Variants in KIAA1755 observed in about 807,000 individuals in gnomAD.
The protein encoded by KIAA1755 is uncharacterized protein KIAA1755.
In KIAA1755, 68 loss-of-function variants were observed where a neutral mutation model predicts 91.7. The observed-to-expected ratio is 0.74, with a 90% CI of 0.61 to 0.91. The LOEUF is 0.91. Ranked by LOEUF, KIAA1755 falls within the 40% of genes least tolerant of loss-of-function variation. The pLI is 0.00. For synonymous variants in KIAA1755, 610 were observed against 604.6 expected, an observed-to-expected ratio of 1.01 and a Z score of -0.13; for missense variants, 1,535 against 1,494.4, an observed-to-expected ratio of 1.03 and a Z score of -0.45.
intron 4 of KIAA1755, among the ~76,000 whole-genome samples, chr20:38,232,631 A>G (rs1054408168): frequency 6.8e-6 from 1 of 147,554 alleles, no homozygotes; most frequent in East Asian, 2.0e-4. Context: ...CTGTCTCAGA[A>G]AAAAAAAAAA....
chr20:38,214,887 C>G (rs1175054441), intron 13 of KIAA1755, among the ~76,000 whole-genome samples: 1 of 152,246 alleles, frequency 6.6e-6, no homozygotes, highest in Non-Finnish European at 1.5e-5. Context: ...ATTGGAGAAC[C>G]ATTTTCTCCG....
At chr20:38,248,711 ATTT>A (rs869304609) in intron 1 of KIAA1755, among the ~76,000 whole-genome samples, 58 of 116,230 alleles carry the variant, frequency 5.0e-4, no homozygotes, top group African/African-American at 1.7e-3. Flanking sequence ...TATTATTATT[ATTT>A]TTGAGACAGA....
At chr20:38,231,071 TG>T in intron 5 of KIAA1755, 130 bp downstream of exon 5, 1 of 1,006,208 alleles carries the variant, frequency 9.9e-7, no homozygotes, top group Admixed American at 3.0e-5. Flanking sequence ...GGCATCTGTC[TG>T]GGGACTGGCT....
At chr20:38,245,852 C>A in intron 2 of KIAA1755, 77 bp downstream of exon 2, 1 of 1,411,320 alleles carries the variant, frequency 7.1e-7, no homozygotes, top group Non-Finnish European at 9.9e-7. Context: ...GCCAGCCCAC[C>A]TCCTTCTCTG....
intron 10 of KIAA1755, among the ~76,000 whole-genome samples, chr20:38,221,016 AATGGAAGAGAGAAG>A (rs1412229290): frequency 6.6e-6 from 1 of 152,230 alleles, no homozygotes; most frequent in Admixed American, 6.5e-5. Flanking sequence ...TCAGAGGGAA[AATGGAAGAGAGAAG>A]ATGGAAGAAA....
intron 13 of KIAA1755, 46 bp downstream of exon 13, chr20:38,217,207 G>A: frequency 6.7e-7 from 1 of 1,500,312 alleles, no homozygotes; most frequent in Non-Finnish European, 9.0e-7. Flanking sequence ...CATAGCCCCA[G>A]CCAGGGGATC....
In KIAA1755 at chr20:38,240,617, G is replaced by C. The variant is rs144867582; in HGVS notation, c.1514C>G (p.Ser505Cys). The change falls in exon 3 of 14, where the codon TCT (serine) becomes TGT (cysteine). Residue 505 changes from serine (S) to cysteine (C), a missense_variant. By Grantham distance (112) the Ser-to-Cys change is moderately radical (BLOSUM62 -1). Transcript: ENST00000279024. The part of the protein sequence containing the change: ...GPWKVLCSLY[S>C]PKPNRAKSLG... ...AGATTTGGCTCGGTTGGGTTTAGGAGAGTAGAGGGAACACAGGACTTTCCA... is the reference window on the plus strand; with the variant it reads ...AGATTTGGCTCGGTTGGGTTTAGGACAGTAGAGGGAACACAGGACTTTCCA... The C allele has an allele frequency of 2.0e-6, 3 of 1,508,748 alleles. No individual in the cohort carries two copies. Among genetic ancestry groups the C allele is most frequent in the African/African-American group, 2.8e-5 (2 of 71,570 alleles). The allele number at this position is 1,508,748 out of a possible 1,614,324, so 93.5% of individuals were successfully genotyped here. A position where few individuals can be genotyped will look rare whatever the true frequency, so the allele number is the denominator to read the frequency against.
At position 38,260,563 on chromosome 20, in the gene KIAA1755, G is replaced by A. The variant is rs558344658; in HGVS notation, c.-63C>T. 2.2e-5 allele frequency: 32 copies of A among 1,480,046 alleles called. No individual in the cohort carries two copies. The African/African-American group carries it at 3.6e-4, about 17-fold the overall frequency. 91.7% of individuals were successfully genotyped at this position (1,480,046 alleles called of 1,614,324 possible). A position where few individuals can be genotyped will look rare whatever the true frequency, so the allele number is the denominator to read the frequency against. On this transcript the variant is annotated 5_prime_UTR_variant, in exon 1 of 14. Transcript: ENST00000279024. ...TCCTGGGCGCGGGGTCTGTGGGTCCGCGGGTCCGTCTGTCTGGGGCAGCCC... is the reference window on the plus strand; with the variant it reads ...TCCTGGGCGCGGGGTCTGTGGGTCCACGGGTCCGTCTGTCTGGGGCAGCCC...
In KIAA1755 at chr20:38,213,637, T is replaced by C. The variant is rs142953110; in HGVS notation, c.3008A>G (p.Gln1003Arg). The C allele has an allele frequency of 1.2e-4, 193 of 1,610,856 alleles. No homozygotes were observed. The highest frequency in any genetic ancestry group is 1.5e-4 in the Non-Finnish European group (181 of 1,178,540). Reference sequence around the variant, plus strand: ...AGCAGGGAACTCAGATGCCAGTCGCTGCAGGTAGCGGTGGAGGCGGCGCTG... The same window carrying C: ...AGCAGGGAACTCAGATGCCAGTCGCCGCAGGTAGCGGTGGAGGCGGCGCTG... ...GDQRRLHRYL[Q>R]RLASEFPAEK... is the part of the protein sequence containing the mutation. The change falls in exon 14 of 14, where the codon CAG becomes CGG. Residue 1003 changes from glutamine (Q) to arginine (R), a missense_variant. By Grantham distance (43) the Gln-to-Arg change is conservative. Transcript: ENST00000279024.
intron 4 of KIAA1755, among the ~76,000 whole-genome samples, 164 bp downstream of exon 4, chr20:38,239,364 C>T (rs2076012535): frequency 6.6e-6 from 1 of 152,210 alleles, no homozygotes; most frequent in African/African-American, 2.4e-5. Flanking sequence ...TCATCTATTC[C>T]AATTCTCCCA....
Position 38,220,930 on chromosome 20 carries a change from T to C in KIAA1755, c.2418-1162A>G, listed in dbSNP as rs113092726. Among the ~76,000 whole-genome samples, 967 of 152,200 alleles carry C rather than the reference T, an allele frequency of 6.4e-3. 15 individuals are homozygous for C. Among genetic ancestry groups the C allele is most frequent in the African/African-American group, 0.022 (922 of 41,518 alleles). ...AAGCCACAAGTCACTAAGGAAGAAG[T>C]GTGGATGGGATTTCAGGCATGGTGA... On this transcript the variant is annotated intron_variant, in intron 10 of 13. Coordinates refer to ENST00000279024, the MANE Select transcript of KIAA1755 (RefSeq NM_001029864.2).
chr20:38,214,258 C>T (rs954826885), intron 13 of KIAA1755, among the ~76,000 whole-genome samples: 2 of 152,184 alleles, frequency 1.3e-5, no homozygotes, highest in Non-Finnish European at 2.9e-5. Flanking sequence ...GCCCATCAGA[C>T]ACCTTCTAAT....
chr20:38,254,586 G>A (rs187250267), intron 1 of KIAA1755, among the ~76,000 whole-genome samples: 194 of 152,190 alleles, frequency 1.3e-3, no homozygotes, highest in African/African-American at 4.3e-3. Flanking sequence ...CCAGAAGTTC[G>A]AGACTAGCCT....
chr20:38,258,829 T>A, intron 1 of KIAA1755, among the ~76,000 whole-genome samples: 1 of 152,218 alleles, frequency 6.6e-6, no homozygotes, highest in East Asian at 1.9e-4. Context: ...ATCTGCACAT[T>A]GTTCCCAATC....
At chr20:38,222,938 C>G in intron 9 of KIAA1755, 1 of 365,894 alleles carries the variant, frequency 2.7e-6, no homozygotes, top group Non-Finnish European at 5.2e-6. Flanking sequence ...TTAAAACTCT[C>G]CAGTGGCTTT....
chr20:38,217,447 A>C lies in KIAA1755; in HGVS notation c.2707T>G (p.Ser903Ala). Reference protein sequence around the residue: ...AAQYRRGLELSKQAAQLGATA... With the variant: ...AAQYRRGLELAKQAAQLGATA... ...GCTCCCAGCTGAGCGGCCTGCTTGGACAGCTCCAGGCCTCGGCGGTACTGG... is the reference window on the plus strand; with the variant it reads ...GCTCCCAGCTGAGCGGCCTGCTTGGCCAGCTCCAGGCCTCGGCGGTACTGG... The change falls in exon 13 of 14, where the codon TCC becomes GCC. Residue 903 changes from serine (S) to alanine (A), a missense_variant. Ser to Ala is a moderately conservative substitution (Grantham distance 99, BLOSUM62 1). Transcript: ENST00000279024. 6.2e-7 allele frequency: 1 copy of C among 1,611,558 alleles called. No homozygotes were observed. The highest frequency in any genetic ancestry group is 1.3e-5 in the African/African-American group (1 of 74,942).
intron 4 of KIAA1755, among the ~76,000 whole-genome samples, chr20:38,232,365 G>A (rs1047641987): frequency 6.6e-6 from 1 of 152,092 alleles, no homozygotes; most frequent in African/African-American, 2.4e-5. Context: ...GGTGGCTCAC[G>A]CCTGTAATCC....
chr20:38,218,277 G>T lies in KIAA1755; in HGVS notation c.2646C>A (p.His882Gln). ...GGAGGAAGAAGTTCTCAAATTCTGC[G>T]TGGGCTTTCTCCACTGTCTCCAAAC... ...DGSLETVEKAHAEFENFFLQA... is the reference protein window; with the variant it reads ...DGSLETVEKAQAEFENFFLQA... Residue 882 changes from histidine to glutamine, a missense_variant, in exon 12 of 14, where the codon CAC becomes CAA. By Grantham distance (24) the His-to-Gln change is conservative. Coordinates refer to ENST00000279024, the MANE Select transcript of KIAA1755 (RefSeq NM_001029864.2). The T allele has an allele frequency of 6.2e-7, 1 of 1,614,218 alleles. No individual in the cohort carries two copies. The highest frequency in any genetic ancestry group is 8.5e-7 in the Non-Finnish European group (1 of 1,180,044).
At chr20:38,225,886 T>C (rs1241050416) in intron 7 of KIAA1755, 105 bp from the exon 8 acceptor site, 2 of 604,844 alleles carry the variant, frequency 3.3e-6, no homozygotes, top group Non-Finnish European at 5.5e-6. Context: ...TTCCCACAAG[T>C]AAGGTTGACT....
Sources: gnomAD v4.1 joint callset for allele counts (sites outside exome capture counted in the v4.1 genomes callset) on GRCh38, gnomAD v4.1.1 for gene constraint, MANE v1.5 for transcripts, NCBI Gene and HGNC (gene_info 2026-07-23, HGNC 2026-07-21) for gene names.